The following HTRA1 variants were observed in gnomAD, a reference collection of about 807,000 sequenced individuals.
HTRA1 encodes the protein HtrA serine peptidase 1.
Under a neutral mutation model 49.7 loss-of-function variants are expected in HTRA1, and 26 were observed. That is an observed-to-expected ratio of 0.52 (90% CI 0.38 to 0.73). The LOEUF (loss-of-function observed/expected upper bound fraction) is 0.73, where lower values mean the gene tolerates loss of function less well. Among genes scored for constraint, HTRA1 ranks in the 30% least tolerant of loss-of-function variants. The probability of loss-of-function intolerance (pLI) is 0.00; values close to 1 mark genes in which losing one functional copy is unlikely to be tolerated. For synonymous variants in HTRA1, 291 were observed against 286.9 expected (o/e 1.01, Z -0.14); for missense variants, 561 against 667.2 (o/e 0.84, Z 1.75).
At chr10:122,467,500 G>A (rs2133908694) in intron 1 of HTRA1, among the ~76,000 whole-genome samples, 1 of 152,292 alleles carries the variant, frequency 6.6e-6, no homozygotes, top group South Asian at 2.1e-4. Context: ...TTCCTTATGA[G>A]CTACTTCTTT....
chr10:122,462,089 C>G lies in HTRA1; in HGVS notation c.437C>G (p.Pro146Arg), dbSNP rs1005142352. Residue 146 changes from proline to arginine, a missense_variant, in exon 1 of 9, where the codon CCG (proline) becomes CGG (arginine). Transcript: ENST00000368984. The stretch of plus-strand genomic sequence containing the variant: ...CGCTCCGAGAGGCTGCACCGGCCGC[C>G]GGTCATCGTCCTGCAGCGCGGAGCC... ...SRRSERLHRP[P>R]VIVLQRGACG... The G allele has an allele frequency of 3.3e-6, 5 of 1,534,368 alleles. No homozygotes were observed. Among genetic ancestry groups the G allele is most frequent in the Non-Finnish European group, 4.4e-6 (5 of 1,146,568 alleles).
intron 1 of HTRA1, among the ~76,000 whole-genome samples, chr10:122,482,374 T>C (rs1209260135): frequency 6.6e-6 from 1 of 152,094 alleles, no homozygotes; most frequent in African/African-American, 2.4e-5. Flanking sequence ...TGTGATCTGA[T>C]TTCAAAACTA....
Position 122,464,913 on chromosome 10 carries a change from C to T in HTRA1, c.472+2789C>T, listed in dbSNP as rs187017857. Among the ~76,000 whole-genome samples, 123 of 152,282 alleles carry T rather than the reference C, an allele frequency of 8.1e-4. No homozygotes were observed. The highest frequency in any genetic ancestry group is 2.1e-4 in the Non-Finnish European group (14 of 68,020). ...GCCTGGAGTTGGAGCAAGTCATACA[C>T]GGATCTGGAGACAGAGCTCTCGAGG... On this transcript the variant is annotated intron_variant, in intron 1 of 8. Coordinates refer to ENST00000368984, the MANE Select transcript of HTRA1 (RefSeq NM_002775.5). The surrounding 1 kb of genome is among the most constrained non-coding windows in gnomAD (Gnocchi z 4.8).
At chr10:122,497,147 G>A (rs2097499052) in intron 3 of HTRA1, among the ~76,000 whole-genome samples, 1 of 152,164 alleles carries the variant, frequency 6.6e-6, no homozygotes, top group Non-Finnish European at 1.5e-5. Flanking sequence ...CGAATTAACA[G>A]TTCCTTTGGT....
intron 3 of HTRA1, among the ~76,000 whole-genome samples, chr10:122,495,351 G>A (rs1240461464): frequency 6.6e-6 from 1 of 152,162 alleles, no homozygotes; most frequent in Non-Finnish European, 1.5e-5. Flanking sequence ...AGACGGTGTT[G>A]ACGTTATGAG....
At chr10:122,501,223 C>T (rs2247541) in intron 3 of HTRA1, among the ~76,000 whole-genome samples, 125,447 of 152,100 alleles carry the variant, frequency 0.82, 52,207 homozygotes, top group Non-Finnish European at 0.89. Flanking sequence ...GGGAAGATGC[C>T]GGACACGCGC....
chr10:122,466,682 C>T (rs948937932), intron 1 of HTRA1, among the ~76,000 whole-genome samples: 6 of 152,238 alleles, frequency 3.9e-5, no homozygotes, highest in South Asian at 2.1e-4. Flanking sequence ...GCAGTTTGCT[C>T]GAGAGTCATT....
rs2097481212 is a variant in HTRA1 at position 122,461,569 on chromosome 10, C to T, written c.-84C>T. 1.2e-6 allele frequency: 1 copy of T among 814,068 alleles called. No homozygotes were observed. 50.4% of individuals were successfully genotyped at this position (814,068 alleles called of 1,614,324 possible). On this transcript the variant is annotated 5_prime_UTR_variant, in exon 1 of 9. Transcript: ENST00000368984. ...GCCGCGCGCACTCGCACCCGCTGCC[C>T]CCGAGGCCCTCCTGCACTCTCCCCG...
chr10:122,514,041 C>T (rs1434243658), intron 8 of HTRA1, 150 bp from the exon 9 acceptor site: 2 of 811,470 alleles, frequency 2.5e-6, no homozygotes, highest in African/African-American at 1.7e-5. Flanking sequence ...GCCTGACCCA[C>T]TGATGGTTTG....
At chr10:122,505,073 C>T (rs2097502483) in intron 3 of HTRA1, among the ~76,000 whole-genome samples, 3 of 152,192 alleles carry the variant, frequency 2.0e-5, no homozygotes, top group African/African-American at 4.8e-5. Context: ...CAGGAGCCAG[C>T]GGGTATTCAA....
intron 1 of HTRA1, among the ~76,000 whole-genome samples, chr10:122,481,802 C>G (rs2097491120): frequency 1.3e-5 from 2 of 152,164 alleles, no homozygotes; most frequent in Admixed American, 1.3e-4. Flanking sequence ...AATAAGTCTC[C>G]CAAGATCTGT....
chr10:122,465,706 G>A (rs958157103), intron 1 of HTRA1, among the ~76,000 whole-genome samples: 1 of 152,194 alleles, frequency 6.6e-6, no homozygotes, highest in Non-Finnish European at 1.5e-5. Flanking sequence ...GTTGCCGTCA[G>A]TGCAGCCCTC....
At chr10:122,486,591 C>G (rs1178728624) in intron 1 of HTRA1, among the ~76,000 whole-genome samples, 4 of 152,256 alleles carry the variant, frequency 2.6e-5, no homozygotes, top group Middle Eastern at 3.4e-3. Context: ...AGCTGGGTTA[C>G]TATGGCCCTT....
chr10:122,473,102 T>G (rs906756548), intron 1 of HTRA1, among the ~76,000 whole-genome samples: 4 of 152,214 alleles, frequency 2.6e-5, no homozygotes, highest in African/African-American at 9.6e-5. Flanking sequence ...GTTACTTTTA[T>G]TCTCAGGTTG....
Position 122,482,069 on chromosome 10 carries a change from C to T in HTRA1, c.473-6833C>T, listed in dbSNP as rs549174367. 2.0e-5 allele frequency among the ~76,000 whole-genome samples: 3 copies of T among 152,174 alleles called. 1 individual carries two copies. The South Asian group carries it at 6.3e-4, about 32-fold the overall frequency. ...GTCCCCAGTAAGGCCAAAAAATACC[C>T]AACAGTTCCATTTATCAATTAGTGG... On this transcript the variant is annotated intron_variant, in intron 1 of 8. Coordinates refer to ENST00000368984, the MANE Select transcript of HTRA1 (RefSeq NM_002775.5).
chr10:122,468,402 G>GTCATCATCA (rs148200348), intron 1 of HTRA1, among the ~76,000 whole-genome samples: 1 of 148,546 alleles, frequency 6.7e-6, no homozygotes, highest in South Asian at 2.2e-4. Context: ...TGTTGTCATT[G>GTCATCATCA]TCATCATCAT....
At chr10:122,511,604 G>A (rs1226565667) in intron 7 of HTRA1, among the ~76,000 whole-genome samples, 1 of 151,822 alleles carries the variant, frequency 6.6e-6, no homozygotes, top group South Asian at 2.1e-4. Context: ...TTGGTGGCAG[G>A]CACCTGTAAT....
intron 1 of HTRA1, among the ~76,000 whole-genome samples, chr10:122,469,467 T>C (rs1591024981): frequency 6.6e-6 from 1 of 152,212 alleles, no homozygotes; most frequent in African/African-American, 2.4e-5. Flanking sequence ...AGCCTCAATG[T>C]TCAGCGGTCA....
intron 3 of HTRA1, among the ~76,000 whole-genome samples, chr10:122,498,815 C>G (rs929697523): frequency 2.0e-5 from 3 of 150,872 alleles, no homozygotes; most frequent in African/African-American, 7.3e-5. Context: ...GTGAATAAAG[C>G]CCTATGAGCT....
Sources: allele counts gnomAD v4.1 joint callset (sites outside exome capture counted in the v4.1 genomes callset), GRCh38; gene constraint gnomAD v4.1.1; non-coding constraint Gnocchi (gnomAD v3.1); transcripts MANE v1.5; gene names NCBI Gene and HGNC (gene_info 2026-07-23, HGNC 2026-07-21).